Variants in RAB14 observed in about 807,000 individuals in gnomAD.
RAB14 encodes RAB14, member RAS oncogene family, also known as ras-related protein Rab-14.
In RAB14, 3 loss-of-function variants were observed where a neutral mutation model predicts 31.1. That is an observed-to-expected ratio of 0.10 (90% CI 0.04 to 0.25). RAB14 has a LOEUF of 0.25. RAB14 is among the 10% of genes least tolerant of loss of function. The pLI, the probability that RAB14 is intolerant of heterozygous loss-of-function variation, is 1.00. For missense variants in RAB14, 111 were observed against 260.1 expected (o/e 0.43, Z 3.94); for synonymous variants, 85 against 84.9 (o/e 1.00, Z 0.00).
chr9:121,184,452 T>C (rs866192185), intron 5 of RAB14, among the ~76,000 whole-genome samples: 1 of 152,220 alleles, frequency 6.6e-6, no homozygotes, highest in South Asian at 2.1e-4. Flanking sequence ...ATGGATAAAC[T>C]GTCTTTGTAC....
chr9:121,182,039 C>A (rs568818118), intron 7 of RAB14, among the ~76,000 whole-genome samples: 4 of 152,246 alleles, frequency 2.6e-5, no homozygotes, highest in African/African-American at 9.6e-5. Context: ...AGCCACCACA[C>A]CCGGCCGGAA....
rs1158125844 is a variant in RAB14, at chr9:121,181,018, G to T, written c.*378C>A. 6.2e-6 allele frequency: 1 copy of T among 161,994 alleles called. No homozygotes were observed. The highest frequency in any genetic ancestry group is 1.3e-5 in the Non-Finnish European group (1 of 74,598). The allele number at this position is 161,994 out of a possible 1,614,324, so 10.0% of individuals were successfully genotyped here. A position where few individuals can be genotyped will look rare whatever the true frequency, so the allele number is the denominator to read the frequency against. On this transcript the variant is annotated 3_prime_UTR_variant, in exon 8 of 8. Transcript: ENST00000373840. ...ATACTTGAACAGTTAAGGATGGGAA[G>T]AAAGGCTTAAGATATCACCAAATTA... is the stretch of plus-strand genomic sequence containing the variant.
chr9:121,195,145 T>C (rs1387783105), intron 1 of RAB14, among the ~76,000 whole-genome samples: 1 of 152,144 alleles, frequency 6.6e-6, no homozygotes, highest in East Asian at 1.9e-4. Flanking sequence ...TCTGGATTAT[T>C]TACCTGATCT....
In RAB14 at chr9:121,181,593, T is replaced by C. The variant is rs772382272; in HGVS notation, c.471-20A>G. ...TCTCCCCTAAGAGGCAATTGATAAC[T>C]TTATTGGAGAACCACAGTTTTCTAC... is the stretch of plus-strand genomic sequence containing the variant. On this transcript the variant is annotated intron_variant, in intron 7 of 7. Transcript: ENST00000373840. 2.5e-6 allele frequency: 4 copies of C among 1,581,972 alleles called. No homozygotes were observed. The Admixed American group carries it at 6.8e-5, about 27-fold the overall frequency.
intron 5 of RAB14, among the ~76,000 whole-genome samples, chr9:121,185,765 C>G (rs2053655637): frequency 6.6e-6 from 1 of 152,106 alleles, no homozygotes; most frequent in Non-Finnish European, 1.5e-5. Flanking sequence ...TAGTAGTACT[C>G]CACTATAGAG....
chr9:121,183,985 A>G (rs2053646822), intron 5 of RAB14, among the ~76,000 whole-genome samples: 2 of 152,210 alleles, frequency 1.3e-5, no homozygotes, highest in African/African-American at 4.8e-5. Flanking sequence ...AGATCCTCAA[A>G]AAGTTTGAAA....
chr9:121,196,176 C>T (rs1252099950), intron 1 of RAB14, among the ~76,000 whole-genome samples: 1 of 151,792 alleles, frequency 6.6e-6, no homozygotes, highest in Non-Finnish European at 1.5e-5. Context: ...TTACAATCCC[C>T]ATAAATGAAA....
At chr9:121,186,141 T>C (rs564786562) in intron 5 of RAB14, among the ~76,000 whole-genome samples, 6 of 152,232 alleles carry the variant, frequency 3.9e-5, no homozygotes, top group Non-Finnish European at 7.4e-5. Flanking sequence ...TTTCCTCACA[T>C]TGTTCCTGGC....
chr9:121,194,090 T>TCTCACACA (rs762438919), intron 1 of RAB14, among the ~76,000 whole-genome samples: 39 of 141,402 alleles, frequency 2.8e-4, no homozygotes, highest in Admixed American at 7.5e-4. Flanking sequence ...TTGCAGATTA[T>TCTCACACA]CACTCACACA....
chr9:121,186,102 G>C (rs531202829), intron 5 of RAB14, among the ~76,000 whole-genome samples: 1 of 152,226 alleles, frequency 6.6e-6, no homozygotes, highest in African/African-American at 2.4e-5. Context: ...CCTTGTTCCT[G>C]AGAAACTCAA....
chr9:121,182,881 T>C (rs1050276540), intron 7 of RAB14, 49 bp downstream of exon 7: 35 of 1,537,016 alleles, frequency 2.3e-5, no homozygotes, highest in Middle Eastern at 2.0e-4. Context: ...CGGTTCTACT[T>C]TGAGAAACTT....
At chr9:121,193,203 T>C (rs1229119535) in intron 2 of RAB14, among the ~76,000 whole-genome samples, 158 bp downstream of exon 2, 4 of 152,160 alleles carry the variant, frequency 2.6e-5, no homozygotes, top group African/African-American at 9.7e-5. Context: ...ATGCAAAAGC[T>C]GCATTGCTAA....
At chr9:121,184,168 G>A (rs1041459920) in intron 5 of RAB14, among the ~76,000 whole-genome samples, 2 of 152,170 alleles carry the variant, frequency 1.3e-5, no homozygotes, top group Non-Finnish European at 2.9e-5. Context: ...ACTATCCCTA[G>A]AAAGGATTGA....
At chr9:121,193,941 A>C (rs1025216458) in intron 1 of RAB14, among the ~76,000 whole-genome samples, 1 of 152,152 alleles carries the variant, frequency 6.6e-6, no homozygotes, top group Non-Finnish European at 1.5e-5. Context: ...TTAAATCAAC[A>C]GTTAGCAGCG....
chr9:121,194,056 A>G (rs1392344497), intron 1 of RAB14, among the ~76,000 whole-genome samples: 1 of 151,430 alleles, frequency 6.6e-6, no homozygotes, highest in Non-Finnish European at 1.5e-5. Flanking sequence ...TGGCATTTTC[A>G]TATAGCTCAA....
chr9:121,192,100 G>A, intron 3 of RAB14, 71 bp downstream of exon 3: 3 of 1,211,060 alleles, frequency 2.5e-6, no homozygotes, highest in Non-Finnish European at 3.5e-6. Context: ...TACTGAAAAT[G>A]ACACTTTCTA....
chr9:121,188,478 A>C (rs1048358432), intron 4 of RAB14, among the ~76,000 whole-genome samples: 2 of 151,506 alleles, frequency 1.3e-5, no homozygotes, highest in Non-Finnish European at 3.0e-5. Context: ...AATATTCACT[A>C]TAATTATAAT....
chr9:121,186,035 G>A (rs1315556180), intron 5 of RAB14, among the ~76,000 whole-genome samples: 1 of 152,166 alleles, frequency 6.6e-6, no homozygotes, highest in African/African-American at 2.4e-5. Flanking sequence ...TGATAACACA[G>A]TTCTTGAAGG....
Position 121,179,121 on chromosome 9 carries a change from C to T in RAB14, c.*2275G>A, listed in dbSNP as rs752239974. On this transcript the variant is annotated 3_prime_UTR_variant, in exon 8 of 8. Coordinates refer to ENST00000373840, the MANE Select transcript of RAB14 (RefSeq NM_016322.4). ...AAACATTTCAAGGGTAATGTAAACA[C>T]AAGAATAAAGCTGTGGGTCTATTAC... is the stretch of plus-strand genomic sequence containing the variant. 1 of 152,164 alleles carries T rather than the reference C, an allele frequency of 6.6e-6. No homozygotes were observed. The highest frequency in any genetic ancestry group is 6.5e-5 in the Admixed American group (1 of 15,286). 9.4% of individuals were successfully genotyped at this position (152,164 alleles called of 1,614,324 possible). A position where few individuals can be genotyped will look rare whatever the true frequency, so the allele number is the denominator to read the frequency against.
Sources: gnomAD v4.1 joint callset for allele counts (sites outside exome capture counted in the v4.1 genomes callset) on GRCh38, gnomAD v4.1.1 for gene constraint, MANE v1.5 for transcripts, NCBI Gene and HGNC (gene_info 2026-07-23, HGNC 2026-07-21) for gene names.